DLGAP2: variants seen among roughly 807,000 people sequenced by gnomAD.
DLGAP2 encodes disks large-associated protein 2.
DLGAP2 carries 26 observed loss-of-function variants against 100.3 expected under a neutral mutation model. The ratio of observed to expected loss-of-function variants is 0.26; its 90% CI spans 0.19 to 0.36. The LOEUF (loss-of-function observed/expected upper bound fraction) is 0.36. DLGAP2 is among the 10% of genes least tolerant of loss of function. The pLI is 1.00. For synonymous variants in DLGAP2, 886 were observed against 630.1 expected, an observed-to-expected ratio of 1.41 and a Z score of -6.08; for missense variants, 1,858 against 1,453.2, an observed-to-expected ratio of 1.28 and a Z score of -4.53.
At chr8:1,184,500 G>A (rs902353905) in intron 2 of DLGAP2, among the ~76,000 whole-genome samples, 2 of 152,198 alleles carry the variant, frequency 1.3e-5, no homozygotes, top group African/African-American at 4.8e-5. Flanking sequence ...GGTACCCGGG[G>A]TGCACGCGCT....
chr8:1,236,139 C>G (rs1319388878), intron 2 of DLGAP2, among the ~76,000 whole-genome samples: 1 of 108,124 alleles, frequency 9.2e-6, no homozygotes, highest in African/African-American at 3.9e-5. Context: ...GTTGCCGTGT[C>G]TAGTTCTCTC....
chr8:1,468,175 A>G (rs566397932), intron 3 of DLGAP2, among the ~76,000 whole-genome samples: 21 of 151,966 alleles, frequency 1.4e-4, no homozygotes, highest in African/African-American at 4.3e-4. Context: ...CCTTCTGAGA[A>G]CCTCCCCAGT....
At chr8:780,449 A>G (rs550259424) in intron 1 of DLGAP2, among the ~76,000 whole-genome samples, 56 of 152,346 alleles carry the variant, frequency 3.7e-4, no homozygotes, top group African/African-American at 1.2e-3. Context: ...TGCAGTGACC[A>G]TAGTGGTACA....
intron 3 of DLGAP2, among the ~76,000 whole-genome samples, chr8:1,319,651 G>A (rs1320885092): frequency 6.6e-6 from 1 of 152,182 alleles, no homozygotes; most frequent in Non-Finnish European, 1.5e-5. Context: ...AGAGTGACTG[G>A]GGAGGGGCTC....
rs112259400 is a variant in DLGAP2 at position 1,481,911 on chromosome 8, G to C, written c.107-19455G>C. Among the ~76,000 whole-genome samples, 225 of 152,342 alleles carry C rather than the reference G, an allele frequency of 1.5e-3. 1 individual carries two copies. The highest frequency in any genetic ancestry group is 5.1e-3 in the African/African-American group (213 of 41,578). On this transcript the variant is annotated intron_variant, in intron 3 of 14. Coordinates refer to ENST00000637795, the MANE Select transcript of DLGAP2 (RefSeq NM_001346810.2). ...ATCATGTCTCAGGCTCAAGCTTCCA[G>C]CCCGACCCGATTATCCTTCTGATGC...
chr8:1,205,504 C>G (rs982513820), intron 2 of DLGAP2, among the ~76,000 whole-genome samples: 4 of 152,184 alleles, frequency 2.6e-5, no homozygotes, highest in African/African-American at 9.7e-5. Context: ...CAGGGGGACC[C>G]TCTGTGGCCA....
intron 8 of DLGAP2, among the ~76,000 whole-genome samples, chr8:1,657,657 G>A (rs1172783653): frequency 6.6e-6 from 1 of 152,116 alleles, no homozygotes; most frequent in East Asian, 1.9e-4. Context: ...TCAAAAGAAT[G>A]GATTAATGAA....
intron 3 of DLGAP2, among the ~76,000 whole-genome samples, chr8:1,454,465 C>T (rs533302395): frequency 2.4e-4 from 37 of 152,010 alleles, no homozygotes; most frequent in Non-Finnish European, 4.6e-4. Flanking sequence ...GTCTTTCTGG[C>T]ACAGCAACTG....
intron 2 of DLGAP2, among the ~76,000 whole-genome samples, chr8:1,219,528 C>G (rs376318061): frequency 6.6e-6 from 1 of 152,110 alleles, no homozygotes; most frequent in African/African-American, 2.4e-5. Context: ...TAGTATTTTG[C>G]TGAGGATTTT....
At chr8:1,279,071 A>G (rs1388937326) in intron 3 of DLGAP2, among the ~76,000 whole-genome samples, 1 of 152,222 alleles carries the variant, frequency 6.6e-6, no homozygotes, top group Non-Finnish European at 1.5e-5. Flanking sequence ...TTAACTGCAG[A>G]ATTTTACAAA....
intron 2 of DLGAP2, among the ~76,000 whole-genome samples, chr8:926,420 G>A (rs1798817164): frequency 6.6e-6 from 1 of 152,174 alleles, no homozygotes; most frequent in Admixed American, 6.5e-5. Flanking sequence ...CTGCCTCCAG[G>A]TCGGGGGTCT....
intron 3 of DLGAP2, among the ~76,000 whole-genome samples, chr8:1,383,195 C>T (rs190190844): frequency 2.5e-4 from 38 of 152,002 alleles, no homozygotes; most frequent in East Asian, 7.7e-4. Flanking sequence ...AATTTTGTAA[C>T]GAGAAAAATA....
chr8:958,371 C>T (rs551296872), intron 2 of DLGAP2, among the ~76,000 whole-genome samples: 3 of 152,178 alleles, frequency 2.0e-5, no homozygotes, highest in South Asian at 4.2e-4. Context: ...CATGAGTATG[C>T]GTGCAGGTCC....
At chr8:1,627,485 T>C (rs1225456898) in intron 7 of DLGAP2, among the ~76,000 whole-genome samples, 1 of 152,214 alleles carries the variant, frequency 6.6e-6, no homozygotes, top group Non-Finnish European at 1.5e-5. Context: ...TGGACGGGCC[T>C]GAGAACGCAC....
chr8:966,320 AAG>A (rs1799870006), intron 2 of DLGAP2, among the ~76,000 whole-genome samples: 1 of 152,220 alleles, frequency 6.6e-6, no homozygotes, highest in Non-Finnish European at 1.5e-5. Flanking sequence ...CTTGATCAGA[AAG>A]AGAAAACGGA....
intron 2 of DLGAP2, among the ~76,000 whole-genome samples, chr8:1,249,413 A>C (rs555793072): frequency 6.6e-4 from 100 of 152,248 alleles, no homozygotes; most frequent in African/African-American, 2.3e-3. Context: ...TTTCTGAACT[A>C]CTGAGGCCTA....
rs189301733 is a variant in DLGAP2 at position 1,023,371 on chromosome 8, T to C, written c.73+115405T>C. Among the ~76,000 whole-genome samples the C allele has an allele frequency of 1.1e-4, 16 of 152,150 alleles. No homozygotes were observed. The East Asian group carries it at 1.9e-3, about 18-fold the overall frequency. ...TAGCAATATGTAGAGGGGGTGTTCGTTGATGGATTGATGAGGTCTTATGAT... is the reference window on the plus strand; with the variant it reads ...TAGCAATATGTAGAGGGGGTGTTCGCTGATGGATTGATGAGGTCTTATGAT... On this transcript the variant is annotated intron_variant, in intron 2 of 14. Transcript: ENST00000637795.
chr8:1,228,082 G>A (rs758350215), intron 2 of DLGAP2, among the ~76,000 whole-genome samples: 1 of 151,978 alleles, frequency 6.6e-6, no homozygotes, highest in Admixed American at 6.6e-5. Flanking sequence ...CTGTTGTGGG[G>A]TGGGGGAATG....
chr8:990,003 G>A (rs1014369942), intron 2 of DLGAP2, among the ~76,000 whole-genome samples: 1 of 152,040 alleles, frequency 6.6e-6, no homozygotes, highest in African/African-American at 2.4e-5. Flanking sequence ...CTCTCTTGCC[G>A]CTCCCAGCCA....
Sources: allele counts gnomAD v4.1 joint callset (sites outside exome capture counted in the v4.1 genomes callset), GRCh38; gene constraint gnomAD v4.1.1; transcripts MANE v1.5; gene names NCBI Gene and HGNC (gene_info 2026-07-23, HGNC 2026-07-21).